FLNB: variants seen among roughly 807,000 people sequenced by gnomAD.
The protein encoded by FLNB is filamin-B.
A neutral mutation model predicts 250.6 loss-of-function variants in FLNB; 111 were observed. That is an observed-to-expected ratio of 0.44 (90% confidence interval 0.38 to 0.52). The LOEUF (loss-of-function observed/expected upper bound fraction) is 0.52. FLNB is among the 20% of genes least tolerant of loss of function. The pLI is 0.00. For synonymous variants in FLNB, 1,302 were observed against 1,372.1 expected (o/e 0.95, Z 1.13); for missense variants, 2,869 against 3,447.8 (o/e 0.83, Z 4.20).
Position 58,008,443 on chromosome 3 carries a change from C to G in FLNB, c.-122C>G. On this transcript the variant is annotated 5_prime_UTR_variant, in exon 1 of 46. Coordinates refer to ENST00000295956, the MANE Select transcript of FLNB (RefSeq NM_001457.4). The stretch of plus-strand genomic sequence containing the variant: ...CCGCAGAGCAGCACCGGCCGTGGCT[C>G]CGGTAGCAGCAAGTTCGAACCCCGC... The G allele has an allele frequency of 8.3e-7, 1 of 1,205,532 alleles. No homozygotes were observed. Among genetic ancestry groups the G allele is most frequent in the East Asian group, 2.6e-5 (1 of 39,134 alleles). The allele number at this position is 1,205,532 out of a possible 1,614,324, so 74.7% of individuals were successfully genotyped here. A position where few individuals can be genotyped will look rare whatever the true frequency, so the allele number is the denominator to read the frequency against.
At chr3:58,085,439 A>G (rs1212637046) in intron 4 of FLNB, among the ~76,000 whole-genome samples, 1 of 152,224 alleles carries the variant, frequency 6.6e-6, no homozygotes, top group East Asian at 1.9e-4. Flanking sequence ...CCAGGAAGAG[A>G]GACCGTTTCA....
chr3:58,065,264 G>T (rs2097183902), intron 1 of FLNB, among the ~76,000 whole-genome samples: 1 of 152,240 alleles, frequency 6.6e-6, no homozygotes, highest in African/African-American at 2.4e-5. Context: ...GGGCAGAGAA[G>T]CCTGGCTTAC....
At chr3:58,088,787 C>T (rs776766731) in intron 4 of FLNB, among the ~76,000 whole-genome samples, 1 of 152,212 alleles carries the variant, frequency 6.6e-6, no homozygotes, top group Non-Finnish European at 1.5e-5. Context: ...CACTTACACC[C>T]GCAGAGGTGA....
chr3:58,131,335 C>T (rs774885769), intron 25 of FLNB, among the ~76,000 whole-genome samples: 3 of 152,130 alleles, frequency 2.0e-5, no homozygotes, highest in African/African-American at 4.8e-5. Context: ...ACATGATGCA[C>T]GTGATACGTG....
chr3:58,100,168 G>A (rs1409774959), intron 8 of FLNB, among the ~76,000 whole-genome samples: 1 of 151,766 alleles, frequency 6.6e-6, no homozygotes, highest in Non-Finnish European at 1.5e-5. Flanking sequence ...ATATTCCTAA[G>A]CAAAGCTCTT....
At position 58,102,315 on chromosome 3, in the gene FLNB, G is replaced by C; in HGVS notation, c.1458G>C (p.Glu486Asp). 2 of 1,611,482 alleles carry C rather than the reference G, an allele frequency of 1.2e-6. No individual in the cohort carries two copies. The highest frequency in any genetic ancestry group is 8.5e-7 in the Non-Finnish European group (1 of 1,178,996). Residue 486 changes from glutamate to aspartate, a missense_variant, in exon 9 of 46, where the codon GAG becomes GAC. Physicochemically the swap from Glu to Asp is conservative, Grantham distance 45. Around this residue, in one of 5 missense-constraint regions of FLNB, gnomAD observed 1,348 missense variants for 1,466.7 expected, o/e 0.92. Transcript: ENST00000295956. ...KVDTKAAGSG[E>D]LGVTMKGPKG... is the part of the protein sequence containing the mutation. Reference sequence around the variant, plus strand: ...ACACCAAAGCTGCAGGAAGTGGGGAGCTCGGTGTAACCATGAAGGGTCCTA... The same window carrying C: ...ACACCAAAGCTGCAGGAAGTGGGGACCTCGGTGTAACCATGAAGGGTCCTA...
chr3:58,105,258 G>A (rs1014024987), intron 11 of FLNB, 42 bp downstream of exon 11: 2 of 1,613,318 alleles, frequency 1.2e-6, no homozygotes, highest in African/African-American at 2.7e-5. Flanking sequence ...GAGGACTGAG[G>A]ATTACAGGGC....
At chr3:58,031,543 C>CTTTTTTTTTTTTTTTTT (rs764190111) in intron 1 of FLNB, among the ~76,000 whole-genome samples, 1 of 77,144 alleles carries the variant, frequency 1.3e-5, no homozygotes. Context: ...CGTGCCCTGC[C>CTTTTTTTTTTTTTTTTT]TTTTTTTTTT....
intron 13 of FLNB, 21 bp from the exon 14 acceptor site, chr3:58,109,158 C>T (rs1478499310): frequency 6.2e-7 from 1 of 1,614,052 alleles, no homozygotes; most frequent in Non-Finnish European, 8.5e-7. Context: ...ACCTCTGGTC[C>T]TAGCTCTGGC....
intron 1 of FLNB, among the ~76,000 whole-genome samples, chr3:58,069,877 C>G (rs1354202516): frequency 7.0e-6 from 1 of 141,942 alleles, no homozygotes; most frequent in African/African-American, 2.4e-5. Context: ...CTTTTCATTT[C>G]TTGCTGCTTG....
chr3:58,133,637 T>C (rs1218481005), intron 26 of FLNB, among the ~76,000 whole-genome samples: 1 of 151,984 alleles, frequency 6.6e-6, no homozygotes, highest in African/African-American at 2.4e-5. Context: ...CATAGAAACC[T>C]TGTTCCTTGT....
intron 20 of FLNB, 71 bp from the exon 21 acceptor site, chr3:58,123,022 A>G: frequency 7.4e-7 from 1 of 1,347,792 alleles, no homozygotes; most frequent in Non-Finnish European, 1.1e-6. Context: ...GATTATATGC[A>G]TGGGTGTTGA....
intron 1 of FLNB, among the ~76,000 whole-genome samples, chr3:58,017,999 T>A (rs961296061): frequency 6.6e-6 from 1 of 152,146 alleles, no homozygotes; most frequent in Non-Finnish European, 1.5e-5. Context: ...TCCTACATAT[T>A]ATTCTTTGGC....
chr3:58,113,369 T>C (rs1161701673), intron 18 of FLNB, among the ~76,000 whole-genome samples: 1 of 152,212 alleles, frequency 6.6e-6, no homozygotes, highest in Admixed American at 6.5e-5. Context: ...ATGCCATTTG[T>C]AGGAGAAGAA....
At chr3:58,141,733 C>G in intron 29 of FLNB, 125 bp from the exon 30 acceptor site, 1 of 917,230 alleles carries the variant, frequency 1.1e-6, no homozygotes, top group Non-Finnish European at 1.8e-6. Context: ...AAGTGTCCTT[C>G]GCTAGAGTGA....
At chr3:58,078,921 A>G (rs1301010637) in intron 3 of FLNB, 107 bp downstream of exon 3, 3 of 750,658 alleles carry the variant, frequency 4.0e-6, no homozygotes, top group Non-Finnish European at 7.0e-6. Flanking sequence ...TTGAGACTTC[A>G]GAGAGCATTG....
At chr3:58,150,904 G>A (rs1179064542) in intron 38 of FLNB, 1 of 154,258 alleles carries the variant, frequency 6.5e-6, no homozygotes, top group Non-Finnish European at 1.4e-5. Context: ...GATGGAGCTT[G>A]TGTTGCGAGC....
intron 25 of FLNB, chr3:58,131,968 G>T: frequency 6.5e-7 from 1 of 1,537,212 alleles, no homozygotes; most frequent in Non-Finnish European, 8.7e-7. Flanking sequence ...CCCCTTGAAA[G>T]CCCTTTCAGA....
intron 45 of FLNB, 60 bp from the exon 46 acceptor site, chr3:58,170,515 C>G: frequency 6.5e-7 from 1 of 1,549,330 alleles, no homozygotes; most frequent in Non-Finnish European, 8.9e-7. Context: ...CTCATATTTC[C>G]TCTTCTTCCT....
Sources: gnomAD v4.1 joint callset for allele counts (sites outside exome capture counted in the v4.1 genomes callset) on GRCh38, gnomAD v4.1.1 for gene constraint, gnomAD v4.1.1 regional missense constraint, MANE v1.5 for transcripts, NCBI Gene and HGNC (gene_info 2026-07-23, HGNC 2026-07-21) for gene names.